Variants in RORA observed in about 807,000 individuals in gnomAD.
The protein encoded by RORA is nuclear receptor ROR-alpha.
A neutral mutation model predicts 69.5 loss-of-function variants in RORA; 7 were observed. The observed-to-expected ratio is 0.10, with a 90% CI of 0.06 to 0.19. The LOEUF (loss-of-function observed/expected upper bound fraction) is 0.19. Among genes scored for constraint, RORA ranks in the 10% least tolerant of loss-of-function variants. The pLI, the probability that RORA is intolerant of heterozygous loss-of-function variation, is 1.00. For missense variants in RORA, 457 were observed against 663.0 expected (o/e 0.69, Z 3.41); for synonymous variants, 261 against 240.8 (o/e 1.08, Z -0.78).
At chr15:60,604,820 A>C (rs2068908471) in intron 2 of RORA, among the ~76,000 whole-genome samples, 3 of 152,194 alleles carry the variant, frequency 2.0e-5, no homozygotes, top group African/African-American at 7.2e-5. Context: ...CTCCTGTACA[A>C]CTGAAAAACT....
chr15:60,962,556 T>G (rs1191159624), intron 1 of RORA, among the ~76,000 whole-genome samples: 2 of 152,210 alleles, frequency 1.3e-5, no homozygotes, highest in Non-Finnish European at 2.9e-5. Flanking sequence ...AGAGTTCTAG[T>G]CGAGGCTGGA....
At chr15:60,704,133 T>C (rs1265835089) in intron 1 of RORA, among the ~76,000 whole-genome samples, 4 of 152,218 alleles carry the variant, frequency 2.6e-5, no homozygotes, top group Non-Finnish European at 2.9e-5. Flanking sequence ...GAATTTTACC[T>C]CTGACTCTAG....
At chr15:60,605,456 C>T (rs1050901395) in intron 2 of RORA, among the ~76,000 whole-genome samples, 7 of 152,140 alleles carry the variant, frequency 4.6e-5, no homozygotes, top group Non-Finnish European at 8.8e-5. Flanking sequence ...TGTCAATCTT[C>T]CCGCATACAA....
chr15:61,130,334 T>G (rs1443693461), intron 1 of RORA, among the ~76,000 whole-genome samples: 2 of 152,184 alleles, frequency 1.3e-5, no homozygotes, highest in Non-Finnish European at 2.9e-5. Flanking sequence ...TTCAAAATCT[T>G]CCACAACCCT....
intron 1 of RORA, among the ~76,000 whole-genome samples, chr15:60,795,805 T>C (rs754355242): frequency 3.6e-4 from 55 of 152,160 alleles, no homozygotes; most frequent in Admixed American, 1.2e-3. Flanking sequence ...TGACATGCCT[T>C]GTAGACTGTA....
At chr15:61,072,818 ATTGT>A (rs917808047) in intron 1 of RORA, among the ~76,000 whole-genome samples, 1 of 152,234 alleles carries the variant, frequency 6.6e-6, no homozygotes, top group Non-Finnish European at 1.5e-5. Flanking sequence ...GGACTGCCTC[ATTGT>A]TTGAAATATT....
At chr15:60,516,805 AG>A (rs1212423119) in intron 3 of RORA, among the ~76,000 whole-genome samples, 1 of 152,218 alleles carries the variant, frequency 6.6e-6, no homozygotes, top group Non-Finnish European at 1.5e-5. Context: ...TAGAGAATGT[AG>A]AAAGATCCTA....
chr15:61,212,741 A>G (rs759672968), intron 1 of RORA, among the ~76,000 whole-genome samples: 2 of 152,090 alleles, frequency 1.3e-5, no homozygotes, highest in African/African-American at 2.4e-5. Flanking sequence ...CCAAGTCCCA[A>G]TCCACTTTTG....
intron 1 of RORA, chr15:60,764,936 G>C (rs2071960882): frequency 1.3e-5 from 2 of 151,348 alleles, no homozygotes; most frequent in Non-Finnish European, 2.9e-5. Context: ...TTCTGTGCCT[G>C]GAACCAGAAG....
intron 2 of RORA, chr15:60,558,439 A>T (rs2067434981): frequency 1.7e-6 from 1 of 586,682 alleles, no homozygotes; most frequent in African/African-American, 1.9e-5. Flanking sequence ...TAGATCTCAT[A>T]CACCAGAATT....
chr15:61,129,338 C>G (rs2140838705), intron 1 of RORA, among the ~76,000 whole-genome samples: 1 of 152,142 alleles, frequency 6.6e-6, no homozygotes, highest in East Asian at 1.9e-4. Flanking sequence ...GTGAAAGAAG[C>G]CAGACATAAC....
chr15:60,795,179 A>G (rs2072476572), intron 1 of RORA, among the ~76,000 whole-genome samples: 2 of 152,170 alleles, frequency 1.3e-5, no homozygotes, highest in South Asian at 4.1e-4. Context: ...CCTCTGAAGA[A>G]CCAACCTGAA....
intron 2 of RORA, among the ~76,000 whole-genome samples, chr15:60,571,723 C>G (rs1302345162): frequency 1.3e-5 from 2 of 152,134 alleles, no homozygotes; most frequent in Non-Finnish European, 2.9e-5. Context: ...CTGCTAAGGT[C>G]TCTTGCAGGT....
chr15:61,173,203 C>G (rs1252975293), intron 1 of RORA, among the ~76,000 whole-genome samples: 1 of 152,124 alleles, frequency 6.6e-6, no homozygotes, highest in African/African-American at 2.4e-5. Flanking sequence ...ACTTTATATA[C>G]AGGAAAACTG....
chr15:60,571,904 G>GTAA lies in RORA; in HGVS notation c.197-40056_197-40054dup, dbSNP rs1007103013. 2.5e-4 allele frequency among the ~76,000 whole-genome samples: 38 copies of GTAA among 152,132 alleles called. 1 individual carries two copies. The highest frequency in any genetic ancestry group is 2.3e-3 in the Admixed American group (35 of 15,268). ...GCATTTCTGTTACCTCATTAAAAAAGTAATAATCCATGAAAAAGTACAAGA... is the reference window on the plus strand; with the variant it reads ...GCATTTCTGTTACCTCATTAAAAAAGTAATAATAATCCATGAAAAAGTACAAGA... On this transcript the variant is annotated intron_variant, in intron 2 of 10. Coordinates refer to ENST00000335670, the MANE Select transcript of RORA (RefSeq NM_134261.3).
intron 1 of RORA, among the ~76,000 whole-genome samples, chr15:60,746,818 A>G (rs942637961): frequency 6.6e-5 from 10 of 152,234 alleles, no homozygotes; most frequent in Admixed American, 5.2e-4. Context: ...TTTTTGAAAA[A>G]TAATTCAGAT....
At chr15:60,777,984 G>T (rs922782) in intron 1 of RORA, among the ~76,000 whole-genome samples, 89,445 of 152,024 alleles carry the variant, frequency 0.59, 26,746 homozygotes, top group East Asian at 0.75. Flanking sequence ...ATAAATTGAC[G>T]TGCTGTTTAA....
In RORA at chr15:60,905,869, C is replaced by A. The variant is rs572400542; in HGVS notation, c.167-227183G>T. ...GTGCTGAATTCACCTTGTTCTTCCA[C>A]CCTCATCATCCTTTATTCTCCCCCT... On this transcript the variant is annotated intron_variant, in intron 1 of 10. Transcript: ENST00000335670. This position sits in a 1 kb window ranked among gnomAD's most constrained non-coding sequence, Gnocchi z 4.8. Among the ~76,000 whole-genome samples, 1 of 152,176 alleles carries A rather than the reference C, an allele frequency of 6.6e-6. No individual in the cohort carries two copies.
chr15:60,643,244 C>A (rs2069976968), intron 2 of RORA, among the ~76,000 whole-genome samples: 1 of 152,096 alleles, frequency 6.6e-6, no homozygotes, highest in Admixed American at 6.6e-5. Flanking sequence ...GGTTAATATT[C>A]TTTGGTTTGC....
Sources: gnomAD v4.1 joint callset for allele counts (sites outside exome capture counted in the v4.1 genomes callset) on GRCh38, gnomAD v4.1.1 for gene constraint, Gnocchi (gnomAD v3.1) non-coding constraint, MANE v1.5 for transcripts, NCBI Gene and HGNC (gene_info 2026-07-23, HGNC 2026-07-21) for gene names.